UBE4B: variants seen among roughly 807,000 people sequenced by gnomAD.
UBE4B encodes the protein ubiquitin conjugation factor E4 B.
UBE4B carries 27 observed loss-of-function variants against 148.1 expected under a neutral mutation model. The ratio of observed to expected loss-of-function variants is 0.18; its 90% CI spans 0.13 to 0.25. The LOEUF (loss-of-function observed/expected upper bound fraction) is 0.25. UBE4B is among the 10% of genes least tolerant of loss of function. UBE4B has a pLI of 1.00. For synonymous variants in UBE4B, 596 were observed against 619.3 expected, an observed-to-expected ratio of 0.96 and a Z score of 0.56; for missense variants, 1,170 against 1,662.4, an observed-to-expected ratio of 0.70 and a Z score of 5.15.
chr1:10,151,746 G>A (rs975041311), intron 21 of UBE4B, among the ~76,000 whole-genome samples, 185 bp downstream of exon 21: 1 of 152,014 alleles, frequency 6.6e-6, no homozygotes, highest in African/African-American at 2.4e-5. Context: ...TTAGGAATAG[G>A]ACAACCATTC....
At chr1:10,167,332 G>A (rs1231302904) in intron 23 of UBE4B, among the ~76,000 whole-genome samples, 1 of 151,148 alleles carries the variant, frequency 6.6e-6, no homozygotes, top group African/African-American at 2.4e-5. Flanking sequence ...CCAGCTACTC[G>A]GGATGCTGAG....
At chr1:10,089,150 G>T (rs1175521006) in intron 2 of UBE4B, among the ~76,000 whole-genome samples, 1 of 152,114 alleles carries the variant, frequency 6.6e-6, no homozygotes, top group African/African-American at 2.4e-5. Flanking sequence ...GAAACTGCAG[G>T]CATGTGCCAC....
At chr1:10,153,125 C>G (rs1646004843) in intron 21 of UBE4B, among the ~76,000 whole-genome samples, 1 of 152,008 alleles carries the variant, frequency 6.6e-6, no homozygotes, top group Non-Finnish European at 1.5e-5. Context: ...TCTCCTGCAG[C>G]ACCCCCTATT....
intron 1 of UBE4B, among the ~76,000 whole-genome samples, chr1:10,057,888 C>T (rs182608326): frequency 2.2e-4 from 33 of 152,162 alleles, no homozygotes; most frequent in Middle Eastern, 3.4e-3. Context: ...GCCTGCATTC[C>T]GGTGGCAGGG....
At chr1:10,136,165 A>G (rs932756886) in intron 16 of UBE4B, among the ~76,000 whole-genome samples, 1 of 152,170 alleles carries the variant, frequency 6.6e-6, no homozygotes, top group Non-Finnish European at 1.5e-5. Flanking sequence ...TACATCAGTA[A>G]GGAACATCAC....
chr1:10,125,949 G>A (rs986926615), intron 10 of UBE4B, among the ~76,000 whole-genome samples: 1 of 152,124 alleles, frequency 6.6e-6, no homozygotes, highest in Non-Finnish European at 1.5e-5. Context: ...TAATAATGTT[G>A]ATTGTTGGCC....
At chr1:10,160,447 C>CTGGT (rs1346454698) in intron 22 of UBE4B, among the ~76,000 whole-genome samples, 2 of 152,072 alleles carry the variant, frequency 1.3e-5, no homozygotes, top group Non-Finnish European at 2.9e-5. Flanking sequence ...TAGGGGTGTG[C>CTGGT]TGGTAAGCCT....
At chr1:10,105,350 T>C (rs1645088210) in intron 5 of UBE4B, among the ~76,000 whole-genome samples, 166 bp from the exon 6 acceptor site, 1 of 152,248 alleles carries the variant, frequency 6.6e-6, no homozygotes, top group Non-Finnish European at 1.5e-5. Flanking sequence ...TACTACTAAC[T>C]AAACACAAGG....
chr1:10,058,285 A>G (rs1644217093), intron 1 of UBE4B, among the ~76,000 whole-genome samples: 1 of 152,208 alleles, frequency 6.6e-6, no homozygotes, highest in South Asian at 2.1e-4. Flanking sequence ...TAACCTGGAA[A>G]GTGAAGCAGA....
intron 7 of UBE4B, among the ~76,000 whole-genome samples, chr1:10,110,373 A>G (rs894821145): frequency 2.6e-5 from 4 of 152,244 alleles, no homozygotes; most frequent in Non-Finnish European, 5.9e-5. Flanking sequence ...CGAGTGGCAT[A>G]AATGAGTGAA....
At chr1:10,056,988 AT>A (rs769973260) in intron 1 of UBE4B, among the ~76,000 whole-genome samples, 76 of 143,008 alleles carry the variant, frequency 5.3e-4, no homozygotes, top group Non-Finnish European at 6.8e-4. Flanking sequence ...TCATTTTTGT[AT>A]TTTTTTTTTT....
intron 7 of UBE4B, among the ~76,000 whole-genome samples, chr1:10,110,942 G>A (rs535583869): frequency 6.6e-6 from 1 of 151,854 alleles, no homozygotes; most frequent in South Asian, 2.1e-4. Context: ...GCTGCAGTGA[G>A]TCGTGATCAT....
At chr1:10,069,417 C>CA (rs1644446135) in intron 1 of UBE4B, among the ~76,000 whole-genome samples, 1 of 152,094 alleles carries the variant, frequency 6.6e-6, no homozygotes, top group Non-Finnish European at 1.5e-5. Flanking sequence ...GGTAACTAAG[C>CA]AATACACAAA....
chr1:10,041,008 A>T (rs892263798), intron 1 of UBE4B, among the ~76,000 whole-genome samples: 1 of 152,128 alleles, frequency 6.6e-6, no homozygotes, highest in African/African-American at 2.4e-5. Context: ...AGTTGCTACC[A>T]TTCACTTTAT....
chr1:10,150,342 A>G (rs1570984593), intron 20 of UBE4B, among the ~76,000 whole-genome samples: 1 of 152,238 alleles, frequency 6.6e-6, no homozygotes, highest in East Asian at 1.9e-4. Flanking sequence ...GTCACATTTT[A>G]AAATTTGTTC....
In UBE4B at chr1:10,168,419, A is replaced by G; in HGVS notation, c.3333+149A>G. On this transcript the variant is annotated intron_variant, in intron 24 of 27. Coordinates refer to ENST00000343090, the MANE Select transcript of UBE4B (RefSeq NM_001105562.3). This position sits in a 1 kb window ranked among gnomAD's most constrained non-coding sequence, Gnocchi z 4.9. ...TCTGTGACTGATTTTGTTCCCAGTT[A>G]TGCTAATTGATACCAGACTCTGTTG... The G allele has an allele frequency of 1.6e-6, 2 of 1,263,676 alleles. No individual in the cohort carries two copies. The highest frequency in any genetic ancestry group is 2.6e-5 in the East Asian group (1 of 39,168). The allele number at this position is 1,263,676 out of a possible 1,614,324, so 78.3% of individuals were successfully genotyped here.
rs985601239 is a variant in UBE4B at position 10,148,423 on chromosome 1, G to C, written c.2592-761G>C. ...GAGGCAGGCGGATCACTTGAGGTCA[G>C]GAGTTCGAGACCATCCTGGCCAACG... is the stretch of plus-strand genomic sequence containing the variant. On this transcript the variant is annotated intron_variant, in intron 19 of 27. Coordinates refer to ENST00000343090, the MANE Select transcript of UBE4B (RefSeq NM_001105562.3). Among the ~76,000 whole-genome samples the C allele has an allele frequency of 1.1e-4, 17 of 152,060 alleles. No homozygotes were observed. In the East Asian group the frequency reaches 2.9e-3, roughly 26 times the overall value.
intron 17 of UBE4B, among the ~76,000 whole-genome samples, chr1:10,141,663 A>G (rs1265969055): frequency 6.6e-6 from 1 of 152,218 alleles, no homozygotes; most frequent in Non-Finnish European, 1.5e-5. Flanking sequence ...CCATAAGGAC[A>G]GTCCTTGATC....
chr1:10,048,058 A>G (rs1241987630), intron 1 of UBE4B, among the ~76,000 whole-genome samples: 1 of 152,006 alleles, frequency 6.6e-6, no homozygotes, highest in Non-Finnish European at 1.5e-5. Context: ...TGTGTTGCCT[A>G]GGCTGGTCTT....
Sources: gnomAD v4.1 joint callset for allele counts (sites outside exome capture counted in the v4.1 genomes callset) on GRCh38, gnomAD v4.1.1 for gene constraint, Gnocchi (gnomAD v3.1) non-coding constraint, MANE v1.5 for transcripts, NCBI Gene and HGNC (gene_info 2026-07-23, HGNC 2026-07-21) for gene names.